Variants in ZBTB47 observed in about 807,000 individuals in gnomAD.
ZBTB47 encodes zinc finger and BTB domain-containing protein 47.
ZBTB47 carries 24 observed loss-of-function variants against 56.6 expected under a neutral mutation model. The ratio of observed to expected loss-of-function variants is 0.42; its 90% CI spans 0.31 to 0.60. ZBTB47 has a LOEUF of 0.60. Ranked by LOEUF, ZBTB47 falls within the 20% of genes least tolerant of loss-of-function variation. The pLI is 0.14. For synonymous variants in ZBTB47, 414 were observed against 418.9 expected (o/e 0.99, Z 0.14); for missense variants, 829 against 1,032.6 (o/e 0.80, Z 2.70).
Position 42,659,060 on chromosome 3 carries a change from C to T in ZBTB47, c.705C>T (p.Ile235=), listed in dbSNP as rs1327647346. The T allele has an allele frequency of 3.9e-6, 6 of 1,519,778 alleles. No homozygotes were observed. Among genetic ancestry groups the T allele is most frequent in the African/African-American group, 2.8e-5 (2 of 72,620 alleles). The allele number at this position is 1,519,778 out of a possible 1,614,324, so 94.1% of individuals were successfully genotyped here. Residue 235 remains isoleucine, a synonymous_variant, in exon 2 of 6, where the codon ATC becomes ATT. Coordinates refer to ENST00000232974, the MANE Select transcript of ZBTB47 (RefSeq NM_145166.4). ...TYSRREQSQI[I]VEVNLNNQTL... is the part of the protein sequence containing the mutation. ...GCCGCAGGGAGCAATCCCAGATCATCGTGGAGGTGAACCTCAACAACCAGA... is the reference window on the plus strand; with the variant it reads ...GCCGCAGGGAGCAATCCCAGATCATTGTGGAGGTGAACCTCAACAACCAGA...
rs946757329 is a variant in ZBTB47 at position 42,654,322 on chromosome 3, T to G, written c.-82+439T>G. On this transcript the variant is annotated intron_variant, in intron 1 of 5. Coordinates refer to ENST00000232974, the MANE Select transcript of ZBTB47 (RefSeq NM_145166.4). The surrounding 1 kb of genome is among the most constrained non-coding windows in gnomAD (Gnocchi z 5.0). Reference sequence around the variant, plus strand: ...TGGGGGCTGGAGCTGGGGCTGGGGGTGGAGGGCAGCCTGCGGCAGGGCGGG... The same window carrying G: ...TGGGGGCTGGAGCTGGGGCTGGGGGGGGAGGGCAGCCTGCGGCAGGGCGGG... 4.4e-5 allele frequency: 5 copies of G among 112,542 alleles called. No homozygotes were observed. The highest frequency in any genetic ancestry group is 3.0e-4 in the South Asian group (1 of 3,360). 7.0% of individuals were successfully genotyped at this position (112,542 alleles called of 1,614,324 possible). A position where few individuals can be genotyped will look rare whatever the true frequency, so the allele number is the denominator to read the frequency against.
In ZBTB47 at chr3:42,659,556, G is replaced by A. The variant is rs780945912; in HGVS notation, c.1201G>A (p.Gly401Arg). 5.1e-6 allele frequency: 8 copies of A among 1,583,832 alleles called. No individual in the cohort carries two copies. The East Asian group carries it at 1.8e-4, about 36-fold the overall frequency. Residue 401 changes from glycine to arginine, a missense_variant, in exon 2 of 6, where the codon GGG becomes AGG. Physicochemically the swap from Gly to Arg is moderately radical, Grantham distance 125 (BLOSUM62 -2). Transcript: ENST00000232974. Reference protein sequence around the residue: ...PEPEEAGRRGGKRPKPPPGVA... With the variant: ...PEPEEAGRRGRKRPKPPPGVA... ...ACCTGAAGAAGCTGGGCGGCGGGGT[G>A]GGAAGAGGCCAAAGCCACCCCCTGG...
Position 42,659,210 on chromosome 3 carries a change from G to A in ZBTB47, c.855G>A (p.Glu285=), listed in dbSNP as rs904271162. 1 of 1,526,492 alleles carries A rather than the reference G, an allele frequency of 6.6e-7. No individual in the cohort carries two copies. The highest frequency in any genetic ancestry group is 2.4e-5 in the East Asian group (1 of 40,838). 94.6% of individuals were successfully genotyped at this position (1,526,492 alleles called of 1,614,324 possible). A position where few individuals can be genotyped will look rare whatever the true frequency, so the allele number is the denominator to read the frequency against. The part of the protein sequence containing the change: ...HSDEEEEDDE[E]EEEEEEEEEG... ...ACGAGGAGGAGGAGGACGACGAGGA[G>A]GAGGAGGAGGAAGAAGAGGAAGAGG... is the stretch of plus-strand genomic sequence containing the variant. Residue 285 remains glutamate (E), a synonymous_variant, in exon 2 of 6, where the codon GAG becomes GAA. Transcript: ENST00000232974.
chr3:42,664,236 G>A lies in ZBTB47; in HGVS notation c.1883-1G>A. 1 of 1,613,480 alleles carries A rather than the reference G, an allele frequency of 6.2e-7. No homozygotes were observed. Among genetic ancestry groups the A allele is most frequent in the East Asian group, 2.2e-5 (1 of 44,842 alleles). The stretch of plus-strand genomic sequence containing the variant: ...CCCTGCTGCCCACCCCCAACCCCCA[G>A]GAGAGAAGCCGTACATCTGCGAGAT... On this transcript the variant is annotated splice_acceptor_variant, in intron 5 of 5. Transcript: ENST00000232974. LOFTEE classifies it high-confidence loss of function.
intron 1 of ZBTB47, among the ~76,000 whole-genome samples, chr3:42,655,354 C>G (rs1710628767): frequency 6.6e-6 from 1 of 152,132 alleles, no homozygotes; most frequent in Non-Finnish European, 1.5e-5. Context: ...CAGGTTTCAT[C>G]ATGGGGCCTT....
rs762720234 is a variant in ZBTB47 at position 42,664,222 on chromosome 3, ACCCCCAAC to A, written c.1883-10_1883-3del. On this transcript the variant is annotated splice_region_variant and splice_polypyrimidine_tract_variant and intron_variant, in intron 5 of 5. Transcript: ENST00000232974. ...ACCCCTCACTGACGCCCTGCTGCCC[ACCCCCAAC>A]CCCCAGGAGAGAAGCCGTACATCTG... is the stretch of plus-strand genomic sequence containing the variant. The A allele has an allele frequency of 6.2e-7, 1 of 1,611,198 alleles. No individual in the cohort carries two copies. The highest frequency in any genetic ancestry group is 1.3e-5 in the African/African-American group (1 of 74,616).
intron 3 of ZBTB47, among the ~76,000 whole-genome samples, chr3:42,662,235 CCAA>C (rs1710729902): frequency 6.6e-6 from 1 of 152,158 alleles, no homozygotes; most frequent in South Asian, 2.1e-4. Flanking sequence ...CTTGCCCGCT[CCAA>C]GTCTGGGCCT....
chr3:42,661,447 A>G (rs1267466580), intron 2 of ZBTB47, 38 bp from the exon 3 acceptor site: 2 of 1,605,570 alleles, frequency 1.2e-6, no homozygotes, highest in Non-Finnish European at 1.7e-6. Flanking sequence ...GACCCTGGGG[A>G]CTCAGGACCC....
rs1483517760 is a variant in ZBTB47 at position 42,659,798 on chromosome 3, C to T, written c.1443C>T (p.His481=). The T allele has an allele frequency of 1.2e-6, 2 of 1,611,268 alleles. No individual in the cohort carries two copies. The highest frequency in any genetic ancestry group is 8.5e-7 in the Non-Finnish European group (1 of 1,178,228). Residue 481 remains histidine, a synonymous_variant, in exon 2 of 6, where the codon CAC becomes CAT. Coordinates refer to ENST00000232974, the MANE Select transcript of ZBTB47 (RefSeq NM_145166.4). ...TGCTGGAGAGCGAGCTGCTGCTGCA[C>T]AGGCAGACAGACTGCGAGCGCAACA... ...RFLLESELLL[H]RQTDCERNIQ...
rs528342139 is a variant in ZBTB47 at position 42,666,735 on chromosome 3, C to T, written c.*2137C>T. On this transcript the variant is annotated 3_prime_UTR_variant, in exon 6 of 6. Coordinates refer to ENST00000232974, the MANE Select transcript of ZBTB47 (RefSeq NM_145166.4). ...CATACTGACAAGCAGAGGTCAGAGA[C>T]ACTGGTGGGGAGCTGGCAATGAAAC... Among the ~76,000 whole-genome samples the T allele has an allele frequency of 7.7e-4, 117 of 152,338 alleles. 3 individuals carry two copies. The South Asian group carries it at 0.022, about 28-fold the overall frequency.
chr3:42,659,423 G>A lies in ZBTB47; in HGVS notation c.1068G>A (p.Gly356=). 1 of 1,354,120 alleles carries A rather than the reference G, an allele frequency of 7.4e-7. No homozygotes were observed. The highest frequency in any genetic ancestry group is 2.9e-5 in the Admixed American group (1 of 34,324). 83.9% of individuals were successfully genotyped at this position (1,354,120 alleles called of 1,614,324 possible). A position where few individuals can be genotyped will look rare whatever the true frequency, so the allele number is the denominator to read the frequency against. ...EEEEGEEGEA[G]GKQGPRGSRS... ...AGGAGGGGGAGGAGGGGGAGGCTGG[G>A]GGCAAGCAGGGGCCACGGGGAAGCC... is the stretch of plus-strand genomic sequence containing the variant. The change falls in exon 2 of 6, where the codon GGG becomes GGA. Residue 356 remains glycine, a synonymous_variant. Coordinates refer to ENST00000232974, the MANE Select transcript of ZBTB47 (RefSeq NM_145166.4).
chr3:42,664,105 C>T (rs185906983), intron 5 of ZBTB47, 132 bp from the exon 6 acceptor site: 1 of 1,473,200 alleles, frequency 6.8e-7, no homozygotes, highest in Admixed American at 2.3e-5. Context: ...GCACAAAATG[C>T]CCCAGGGTCG....
At position 42,654,778 on chromosome 3, in the gene ZBTB47, G is replaced by GTGGAGGGGC. The variant is rs1710616959; in HGVS notation, c.-82+903_-82+911dup. 1 of 925,898 alleles carries GTGGAGGGGC rather than the reference G, an allele frequency of 1.1e-6. No individual in the cohort carries two copies. Among genetic ancestry groups the GTGGAGGGGC allele is most frequent in the Admixed American group, 6.2e-5 (1 of 16,172 alleles). 57.4% of individuals were successfully genotyped at this position (925,898 alleles called of 1,614,324 possible). A position where few individuals can be genotyped will look rare whatever the true frequency, so the allele number is the denominator to read the frequency against. Reference sequence around the variant, plus strand: ...CCAGGCACACGGCCCGCGGGCCCGGGTGGAGGGGCTGGAGGGATCTTCCCC... The same window carrying GTGGAGGGGC: ...CCAGGCACACGGCCCGCGGGCCCGGGTGGAGGGGCTGGAGGGGCTGGAGGGATCTTCCCC... On this transcript the variant is annotated intron_variant, in intron 1 of 5. Transcript: ENST00000232974. This position sits in a 1 kb window ranked among gnomAD's most constrained non-coding sequence, Gnocchi z 5.0.
intron 3 of ZBTB47, among the ~76,000 whole-genome samples, chr3:42,662,364 G>T (rs1043541210): frequency 4.6e-5 from 7 of 152,234 alleles, no homozygotes; most frequent in African/African-American, 1.7e-4. Flanking sequence ...CTGGGACCCT[G>T]CGGCCTAGGT....
chr3:42,663,193 G>C lies in ZBTB47; in HGVS notation c.1737+66G>C, dbSNP rs147024713. The C allele has an allele frequency of 2.2e-4, 278 of 1,238,996 alleles. 1 individual carries two copies. The African/African-American group carries it at 3.0e-3, about 13-fold the overall frequency. The allele number at this position is 1,238,996 out of a possible 1,614,324, so 76.8% of individuals were successfully genotyped here. ...CTGGGAGGGGCAGGAATCAGGGAGC[G>C]CAGCTGCTGAAAAACAAAGGGCTAG... is the stretch of plus-strand genomic sequence containing the variant. On this transcript the variant is annotated intron_variant, in intron 4 of 5. Coordinates refer to ENST00000232974, the MANE Select transcript of ZBTB47 (RefSeq NM_145166.4). This position sits in a 1 kb window ranked among gnomAD's most constrained non-coding sequence, Gnocchi z 5.1.
chr3:42,667,168 G>A lies in ZBTB47; in HGVS notation c.*2570G>A, dbSNP rs986609961. 9.2e-5 allele frequency among the ~76,000 whole-genome samples: 14 copies of A among 152,360 alleles called. No individual in the cohort carries two copies. The highest frequency in any genetic ancestry group is 6.8e-3 in the Middle Eastern group (2 of 294). On this transcript the variant is annotated 3_prime_UTR_variant, in exon 6 of 6. Transcript: ENST00000232974. ...TAGGGCACCATACTCACTTTCCAGG[G>A]CTGGGGGAAGGGGGACGCAGGATCA...
Position 42,659,020 on chromosome 3 carries a change from G to T in ZBTB47, c.665G>T (p.Gly222Val). 1 of 1,530,730 alleles carries T rather than the reference G, an allele frequency of 6.5e-7. No homozygotes were observed. The highest frequency in any genetic ancestry group is 1.2e-5 in the South Asian group (1 of 82,792). The allele number at this position is 1,530,730 out of a possible 1,614,324, so 94.8% of individuals were successfully genotyped here. A position where few individuals can be genotyped will look rare whatever the true frequency, so the allele number is the denominator to read the frequency against. ...GGEELEEELG[G>V]SGTYSRREQS... ...GAAGAGTTGGAGGAAGAGCTTGGGG[G>T]TTCTGGCACCTACAGCCGCAGGGAG... Residue 222 changes from glycine to valine, a missense_variant, in exon 2 of 6, where the codon GGT (glycine) becomes GTT (valine). Gly to Val is a moderately radical substitution (Grantham distance 109). This residue lies in a region of ZBTB47 where 359 missense variants were observed against 359.8 expected (regional missense o/e 1.00). Transcript: ENST00000232974.
rs1387755573 is a variant in ZBTB47, at chr3:42,659,028, A to G, written c.673A>G (p.Thr225Ala). The change falls in exon 2 of 6, where the codon ACC becomes GCC. Residue 225 changes from threonine to alanine, a missense_variant. Thr to Ala is a moderately conservative substitution (Grantham distance 58). Around this residue, in one of 6 missense-constraint regions of ZBTB47, gnomAD observed 359 missense variants for 359.8 expected, o/e 1.00. Transcript: ENST00000232974. ...ELEEELGGSG[T>A]YSRREQSQII... Reference sequence around the variant, plus strand: ...GGAGGAAGAGCTTGGGGGTTCTGGCACCTACAGCCGCAGGGAGCAATCCCA... The same window carrying G: ...GGAGGAAGAGCTTGGGGGTTCTGGCGCCTACAGCCGCAGGGAGCAATCCCA... 32 of 1,530,492 alleles carry G rather than the reference A, an allele frequency of 2.1e-5. No individual in the cohort carries two copies. Among genetic ancestry groups the G allele is most frequent in the Non-Finnish European group, 2.8e-5 (32 of 1,143,980 alleles). The allele number at this position is 1,530,492 out of a possible 1,614,324, so 94.8% of individuals were successfully genotyped here. A position where few individuals can be genotyped will look rare whatever the true frequency, so the allele number is the denominator to read the frequency against.
At position 42,654,578 on chromosome 3, in the gene ZBTB47, C is replaced by A; in HGVS notation, c.-82+695C>A. The A allele has an allele frequency of 3.1e-6, 2 of 655,184 alleles. No homozygotes were observed. Among genetic ancestry groups the A allele is most frequent in the Non-Finnish European group, 3.8e-6 (2 of 529,756 alleles). The allele number at this position is 655,184 out of a possible 1,614,324, so 40.6% of individuals were successfully genotyped here. A position where few individuals can be genotyped will look rare whatever the true frequency, so the allele number is the denominator to read the frequency against. The stretch of plus-strand genomic sequence containing the variant: ...GCCGCGCCCCCGGGGGCCATGGTCG[C>A]GGGGCCCTGCGCGGGGGCGGCCCCC... On this transcript the variant is annotated intron_variant, in intron 1 of 5. Coordinates refer to ENST00000232974, the MANE Select transcript of ZBTB47 (RefSeq NM_145166.4). This position sits in a 1 kb window ranked among gnomAD's most constrained non-coding sequence, Gnocchi z 5.0.
Sources: gnomAD v4.1 joint callset for allele counts (sites outside exome capture counted in the v4.1 genomes callset) on GRCh38, gnomAD v4.1.1 for gene constraint, gnomAD v4.1.1 regional missense constraint, Gnocchi (gnomAD v3.1) non-coding constraint, MANE v1.5 for transcripts, NCBI Gene and HGNC (gene_info 2026-07-23, HGNC 2026-07-21) for gene names.